The following GLIS3 variants were observed in gnomAD, a reference collection of about 807,000 sequenced individuals.
The protein encoded by GLIS3 is GLIS family zinc finger 3, also known as zinc finger protein GLIS3.
GLIS3 carries 53 observed loss-of-function variants against 78.6 expected under a neutral mutation model. The observed-to-expected ratio is 0.67, with a 90% CI of 0.54 to 0.85. The LOEUF (loss-of-function observed/expected upper bound fraction) is 0.85, where lower values mean the gene tolerates loss of function less well. Among genes scored for constraint, GLIS3 ranks in the 40% least tolerant of loss-of-function variants. GLIS3 has a pLI of 0.00. For synonymous variants in GLIS3, 684 were observed against 509.9 expected (o/e 1.34, Z -4.60); for missense variants, 1,703 against 1,231.1 (o/e 1.38, Z -5.74).
chr9:4,118,811 T>G lies in GLIS3; in HGVS notation c.667A>C (p.Met223Leu). The G allele has an allele frequency of 6.2e-7, 1 of 1,609,322 alleles. No individual in the cohort carries two copies. Among genetic ancestry groups the G allele is most frequent in the Non-Finnish European group, 8.5e-7 (1 of 1,179,992 alleles). The change falls in exon 4 of 11, where the codon ATG (methionine) becomes CTG (leucine). Residue 223 changes from methionine (M) to leucine (L), a missense_variant. Met to Leu is a conservative substitution (Grantham distance 15). Coordinates refer to ENST00000381971, the MANE Select transcript of GLIS3 (RefSeq NM_001042413.2). This position sits in a 1 kb window ranked among gnomAD's most constrained non-coding sequence, Gnocchi z 4.7. ...SLTESQSASS[M>L]KQEWSQGYRA... ...TAGCCCTGGGACCACTCCTGCTTCATGCTTGAGGCCGACTGACTTTCCGTC... is the reference window on the plus strand; with the variant it reads ...TAGCCCTGGGACCACTCCTGCTTCAGGCTTGAGGCCGACTGACTTTCCGTC...
chr9:4,401,107 A>T, the GLIS3 span, among the ~76,000 whole-genome samples: 1 of 152,180 alleles, frequency 6.6e-6, no homozygotes, highest in Non-Finnish European at 1.5e-5. Flanking sequence ...ACAAGCAGGC[A>T]CTTGGGGTCC....
At chr9:4,057,195 G>A (rs1030806108) in intron 4 of GLIS3, among the ~76,000 whole-genome samples, 2 of 152,058 alleles carry the variant, frequency 1.3e-5, no homozygotes, top group African/African-American at 4.8e-5. Flanking sequence ...GGGCATCAAA[G>A]GCCATGCAGT....
chr9:4,466,004 C>T, the GLIS3 span, among the ~76,000 whole-genome samples: 60 of 152,052 alleles, frequency 3.9e-4, no homozygotes, highest in Admixed American at 3.5e-3. Context: ...AGAAAATCAA[C>T]GAATCCAAGA....
At chr9:4,279,324 T>TACACACACACACACACAC (rs141790371) in intron 2 of GLIS3, among the ~76,000 whole-genome samples, 4 of 84,926 alleles carry the variant, frequency 4.7e-5, no homozygotes, top group African/African-American at 1.9e-4. Flanking sequence ...AATATATATA[T>TACACACACACACACACAC]ACACACACAC....
Position 4,087,763 on chromosome 9 carries a change from A to C in GLIS3, c.1710+30005T>G, listed in dbSNP as rs796880361. Among the ~76,000 whole-genome samples, 31 of 152,336 alleles carry C rather than the reference A, an allele frequency of 2.0e-4. 1 individual carries two copies. Among genetic ancestry groups the C allele is most frequent in the African/African-American group, 7.5e-4 (31 of 41,582 alleles). ...TAGTATTCATATTCCTACATGAACT[A>C]AGGGTAAGGTACCAATCCTGCTACA... is the stretch of plus-strand genomic sequence containing the variant. On this transcript the variant is annotated intron_variant, in intron 4 of 10. Coordinates refer to ENST00000381971, the MANE Select transcript of GLIS3 (RefSeq NM_001042413.2).
intron 4 of GLIS3, among the ~76,000 whole-genome samples, chr9:4,000,866 C>G (rs1420765754): frequency 6.6e-6 from 1 of 152,216 alleles, no homozygotes; most frequent in African/African-American, 2.4e-5. Flanking sequence ...CTTCCAAAAT[C>G]AGCAAAATGC....
chr9:4,035,532 C>T (rs1208412565), intron 4 of GLIS3, among the ~76,000 whole-genome samples: 2 of 151,856 alleles, frequency 1.3e-5, no homozygotes, highest in Non-Finnish European at 1.5e-5. Context: ...TTCTGCTTTC[C>T]CTTCCCCCTG....
intron 4 of GLIS3, among the ~76,000 whole-genome samples, chr9:4,085,642 C>T (rs1319936056): frequency 6.6e-6 from 1 of 152,148 alleles, no homozygotes; most frequent in South Asian, 2.1e-4. Flanking sequence ...GGAGGTGGGG[C>T]CTGGTGGGAG....
chr9:4,365,532 G>C, the GLIS3 span, among the ~76,000 whole-genome samples: 4 of 151,666 alleles, frequency 2.6e-5, no homozygotes, highest in African/African-American at 9.7e-5. Context: ...CTCCAGCCTG[G>C]GTGACAGAGT....
At chr9:4,298,128 G>C (rs966924676) in intron 1 of GLIS3, among the ~76,000 whole-genome samples, 1 of 152,220 alleles carries the variant, frequency 6.6e-6, no homozygotes, top group Admixed American at 6.5e-5. Context: ...GTGAGTCGGG[G>C]GCCGAAAGGG....
At chr9:3,926,201 A>G (rs1312249206) in intron 6 of GLIS3, among the ~76,000 whole-genome samples, 2 of 151,264 alleles carry the variant, frequency 1.3e-5, no homozygotes, top group East Asian at 1.9e-4. Context: ...AGGAAGGTAC[A>G]GTATTGCGAC....
intron 2 of GLIS3, among the ~76,000 whole-genome samples, chr9:4,175,787 C>G (rs1816766694): frequency 6.6e-6 from 1 of 152,182 alleles, no homozygotes; most frequent in Non-Finnish European, 1.5e-5. Flanking sequence ...CCTTTTACAT[C>G]AATTCATGCA....
chr9:4,313,442 C>T (rs966879682), intron 2 of GLIS3, among the ~76,000 whole-genome samples: 4 of 152,136 alleles, frequency 2.6e-5, no homozygotes, highest in African/African-American at 9.7e-5. Context: ...CCGTCTCCTC[C>T]CACCACCCAA....
chr9:4,357,841 T>A, the GLIS3 span, among the ~76,000 whole-genome samples: 1 of 152,210 alleles, frequency 6.6e-6, no homozygotes, highest in Non-Finnish European at 1.5e-5. Context: ...ACCATTCCCA[T>A]TGAATCTGTG....
At chr9:4,375,573 C>T in the GLIS3 span, among the ~76,000 whole-genome samples, 1 of 152,172 alleles carries the variant, frequency 6.6e-6, no homozygotes, top group African/African-American at 2.4e-5. Flanking sequence ...AGATAATCCA[C>T]AGACACATGG....
chr9:3,909,582 G>A (rs1237145105), intron 6 of GLIS3, among the ~76,000 whole-genome samples: 1 of 152,172 alleles, frequency 6.6e-6, no homozygotes, highest in East Asian at 1.9e-4. Flanking sequence ...GCCCAAAATT[G>A]TATCCATAGC....
In GLIS3 at chr9:4,309,772, A is replaced by T. The variant is rs550160885; in HGVS notation, n.392+629T>A. ...CCTATTTTTTTTTTCTTCACATGAC[A>T]TCAGGAGATCATCATTGCAACAAGC... is the stretch of plus-strand genomic sequence containing the variant. On this transcript the variant is annotated intron_variant and non_coding_transcript_variant, in intron 3 of 4. Transcript: ENST00000471664. Among the ~76,000 whole-genome samples, 4 of 152,050 alleles carry T rather than the reference A, an allele frequency of 2.6e-5. No homozygotes were observed. The East Asian group carries it at 7.7e-4, about 29-fold the overall frequency.
chr9:3,874,635 C>G (rs1054051558), intron 8 of GLIS3, among the ~76,000 whole-genome samples: 1 of 152,130 alleles, frequency 6.6e-6, no homozygotes, highest in Non-Finnish European at 1.5e-5. Context: ...ATCTGACACT[C>G]TCTCCAAGTA....
chr9:3,922,962 T>G (rs1824986970), intron 6 of GLIS3, among the ~76,000 whole-genome samples: 1 of 152,174 alleles, frequency 6.6e-6, no homozygotes, highest in African/African-American at 2.4e-5. Context: ...CAGAGAATCC[T>G]CATTTCCTTT....
Sources: gnomAD v4.1 joint callset for allele counts (sites outside exome capture counted in the v4.1 genomes callset) on GRCh38, gnomAD v4.1.1 for gene constraint, Gnocchi (gnomAD v3.1) non-coding constraint, MANE v1.5 for transcripts, NCBI Gene and HGNC (gene_info 2026-07-23, HGNC 2026-07-21) for gene names.